KCNN2: variants seen among roughly 807,000 people sequenced by gnomAD.
KCNN2 encodes the protein small conductance calcium-activated potassium channel protein 2.
A neutral mutation model predicts 55.5 loss-of-function variants in KCNN2; 24 were observed. The observed-to-expected ratio is 0.43, with a 90% confidence interval of 0.31 to 0.61. The LOEUF (loss-of-function observed/expected upper bound fraction) is 0.61. Among genes scored for constraint, KCNN2 ranks in the 20% least tolerant of loss-of-function variants. The pLI is 0.08. For missense variants in KCNN2, 754 were observed against 853.6 expected (o/e 0.88, Z 1.45); for synonymous variants, 431 against 336.1 (o/e 1.28, Z -3.09).
intron 1 of KCNN2, among the ~76,000 whole-genome samples, chr5:114,192,608 C>T (rs1468821106): frequency 2.0e-5 from 3 of 152,038 alleles, no homozygotes; most frequent in African/African-American, 7.2e-5. Context: ...CAAAAAGTAT[C>T]ATCTTCGGGA....
intron 2 of KCNN2, among the ~76,000 whole-genome samples, chr5:114,392,867 T>TTTTTTTG (rs1758493122): frequency 6.6e-6 from 1 of 151,576 alleles, no homozygotes. Flanking sequence ...AAGGAGGCTT[T>TTTTTTTG]TTTTTTGTTT....
At chr5:114,222,955 G>T (rs907273314) in intron 2 of KCNN2, among the ~76,000 whole-genome samples, 4 of 152,176 alleles carry the variant, frequency 2.6e-5, no homozygotes, top group Non-Finnish European at 5.9e-5. Context: ...TAGGGCAGCA[G>T]ATGAATGCCA....
intron 1 of KCNN2, among the ~76,000 whole-genome samples, chr5:114,078,736 A>T (rs1309186807): frequency 1.3e-5 from 2 of 152,156 alleles, no homozygotes; most frequent in Admixed American, 1.3e-4. Flanking sequence ...TGTTATGGAT[A>T]AGATGTAGGT....
At chr5:114,228,995 CAA>C (rs1754301989) in intron 2 of KCNN2, among the ~76,000 whole-genome samples, 1 of 151,770 alleles carries the variant, frequency 6.6e-6, no homozygotes, top group South Asian at 2.1e-4. Flanking sequence ...TAAAATAGTT[CAA>C]AGAGAAATTA....
chr5:114,202,586 T>TATATATATATATA (rs1554074534), intron 1 of KCNN2, among the ~76,000 whole-genome samples: 6 of 67,014 alleles, frequency 9.0e-5, no homozygotes, highest in African/African-American at 3.4e-4. Context: ...TATATATATA[T>TATATATATATATA]TTTTTTTTTT....
chr5:114,224,121 G>T (rs951628538), intron 2 of KCNN2, among the ~76,000 whole-genome samples: 1 of 152,116 alleles, frequency 6.6e-6, no homozygotes, highest in Admixed American at 6.5e-5. Context: ...TTTTGGTAGA[G>T]CCTAATAGTA....
intron 3 of KCNN2, among the ~76,000 whole-genome samples, chr5:114,438,155 T>C (rs961083224): frequency 6.6e-6 from 1 of 152,204 alleles, no homozygotes; most frequent in African/African-American, 2.4e-5. Flanking sequence ...TGTTGTGGTC[T>C]GGGTGTGACA....
intron 3 of KCNN2, among the ~76,000 whole-genome samples, chr5:114,407,823 A>G (rs1758985689): frequency 6.6e-6 from 1 of 152,214 alleles, no homozygotes; most frequent in Non-Finnish European, 1.5e-5. Context: ...TTCTCCTGGT[A>G]TCAGTACAGT....
At chr5:114,213,682 T>C (rs943551364) in intron 1 of KCNN2, among the ~76,000 whole-genome samples, 5 of 152,078 alleles carry the variant, frequency 3.3e-5, no homozygotes, top group Non-Finnish European at 7.4e-5. Flanking sequence ...CTTCAGTCCA[T>C]TGCATGCAAT....
At chr5:114,452,815 T>C (rs967035174) in intron 3 of KCNN2, among the ~76,000 whole-genome samples, 1 of 152,236 alleles carries the variant, frequency 6.6e-6, no homozygotes, top group African/African-American at 2.4e-5. Flanking sequence ...GTTAGCTCTT[T>C]CTTCTGAGCC....
intron 2 of KCNN2, chr5:114,253,578 C>T: frequency 6.4e-6 from 1 of 155,544 alleles, no homozygotes. Flanking sequence ...ATCTGGCTGG[C>T]TAGGCGGGTG....
intron 3 of KCNN2, among the ~76,000 whole-genome samples, chr5:114,415,223 A>G (rs1759268802): frequency 6.6e-6 from 1 of 152,174 alleles, no homozygotes; most frequent in African/African-American, 2.4e-5. Context: ...TCACCAGTTG[A>G]TCTACATTTA....
At chr5:114,493,142 T>G (rs181638199) in intron 6 of KCNN2, among the ~76,000 whole-genome samples, 3 of 152,288 alleles carry the variant, frequency 2.0e-5, no homozygotes, top group Admixed American at 2.0e-4. Flanking sequence ...TATGAGTCTT[T>G]CTGAATTCAA....
At chr5:114,127,840 A>G (rs1361030052) in intron 1 of KCNN2, among the ~76,000 whole-genome samples, 1 of 152,156 alleles carries the variant, frequency 6.6e-6, no homozygotes, top group African/African-American at 2.4e-5. Context: ...CTCAAATTCA[A>G]AGTTCCACAG....
intron 1 of KCNN2, among the ~76,000 whole-genome samples, chr5:114,198,475 C>T (rs1753605599): frequency 6.6e-6 from 1 of 150,988 alleles, no homozygotes; most frequent in African/African-American, 2.4e-5. Flanking sequence ...CACACACACA[C>T]ACACACACAC....
At chr5:114,192,725 C>T (rs1235390847) in intron 1 of KCNN2, among the ~76,000 whole-genome samples, 1 of 152,020 alleles carries the variant, frequency 6.6e-6, no homozygotes, top group Non-Finnish European at 1.5e-5. Flanking sequence ...ATATCATGAG[C>T]CATGAAATGT....
chr5:114,398,699 A>G (rs933469071), intron 2 of KCNN2, among the ~76,000 whole-genome samples: 4 of 151,872 alleles, frequency 2.6e-5, no homozygotes, highest in Admixed American at 1.3e-4. Flanking sequence ...CCGTTTGTTT[A>G]TGTAATTTCT....
At chr5:114,468,794 T>A (rs1164312175) in intron 4 of KCNN2, among the ~76,000 whole-genome samples, 1 of 152,202 alleles carries the variant, frequency 6.6e-6, no homozygotes, top group Non-Finnish European at 1.5e-5. Flanking sequence ...CCACAGTGTG[T>A]TATGTGAAGG....
intron 1 of KCNN2, among the ~76,000 whole-genome samples, chr5:114,220,329 A>G (rs866415420): frequency 6.6e-6 from 1 of 152,144 alleles, no homozygotes; most frequent in South Asian, 2.1e-4. Flanking sequence ...TTAAAAACAT[A>G]TATTTAAAGT....
Sources: gnomAD v4.1 joint callset for allele counts (sites outside exome capture counted in the v4.1 genomes callset) on GRCh38, gnomAD v4.1.1 for gene constraint, MANE v1.5 for transcripts, NCBI Gene and HGNC (gene_info 2026-07-23, HGNC 2026-07-21) for gene names.